Variants in SLMAP observed in about 807,000 individuals in gnomAD.
SLMAP encodes sarcolemmal membrane-associated protein.
Under a neutral mutation model 128.8 loss-of-function variants are expected in SLMAP, and 44 were observed. The observed-to-expected ratio is 0.34, with a 90% CI of 0.27 to 0.44. SLMAP has a LOEUF of 0.44. Among genes scored for constraint, SLMAP ranks in the 20% least tolerant of loss-of-function variants. SLMAP has a pLI of 1.00. For missense variants in SLMAP, 787 were observed against 985.3 expected, an observed-to-expected ratio of 0.80 and a Z score of 2.69; for synonymous variants, 327 against 348.8, an observed-to-expected ratio of 0.94 and a Z score of 0.70.
intron 6 of SLMAP, among the ~76,000 whole-genome samples, chr3:57,854,032 A>T (rs1460238698): frequency 1.8e-5 from 2 of 108,486 alleles, no homozygotes; most frequent in African/African-American, 7.0e-5. Context: ...TATAATATAT[A>T]ATGTGTATAT....
At chr3:57,906,836 C>T (rs577311542) in intron 17 of SLMAP, among the ~76,000 whole-genome samples, 12 of 151,436 alleles carry the variant, frequency 7.9e-5, no homozygotes, top group Admixed American at 7.9e-4. Flanking sequence ...TATGGCTTAC[C>T]TGATGATATA....
At chr3:57,761,805 T>C (rs1002305601) in intron 2 of SLMAP, among the ~76,000 whole-genome samples, 7 of 145,548 alleles carry the variant, frequency 4.8e-5, no homozygotes, top group Non-Finnish European at 1.1e-4. Context: ...CCCAGCACTT[T>C]GGGAGGCCGA....
At chr3:57,906,330 T>G (rs892825676) in intron 17 of SLMAP, among the ~76,000 whole-genome samples, 4 of 136,974 alleles carry the variant, frequency 2.9e-5, no homozygotes, top group African/African-American at 1.1e-4. Context: ...TTTTTTTTTT[T>G]TTAGAGACAC....
At chr3:57,877,084 G>A (rs1445387211) in intron 14 of SLMAP, among the ~76,000 whole-genome samples, 1 of 151,392 alleles carries the variant, frequency 6.6e-6, no homozygotes, top group African/African-American at 2.4e-5. Flanking sequence ...TTCTTAATCC[G>A]TGTTTGTTAT....
intron 15 of SLMAP, 28 bp from the exon 16 acceptor site, chr3:57,896,483 G>T (rs1423212913): frequency 6.4e-7 from 1 of 1,568,886 alleles, no homozygotes; most frequent in Admixed American, 1.9e-5. Context: ...ACTGTAATAA[G>T]ATTTTACTTT....
chr3:57,894,924 T>G (rs2153657180), intron 15 of SLMAP, among the ~76,000 whole-genome samples: 1 of 152,278 alleles, frequency 6.6e-6, no homozygotes, highest in Non-Finnish European at 1.5e-5. Flanking sequence ...TGAGGCCTTG[T>G]GGAGAATGGG....
At chr3:57,827,801 A>T (rs1322578423) in intron 2 of SLMAP, among the ~76,000 whole-genome samples, 1 of 152,188 alleles carries the variant, frequency 6.6e-6, no homozygotes, top group Non-Finnish European at 1.5e-5. Context: ...GGAGGGAATA[A>T]AAGCCTGATA....
chr3:57,835,994 A>G (rs2093622575), intron 3 of SLMAP, among the ~76,000 whole-genome samples: 1 of 152,174 alleles, frequency 6.6e-6, no homozygotes, highest in South Asian at 2.1e-4. Context: ...TCATACTAAA[A>G]ACAATGGAAG....
intron 3 of SLMAP, among the ~76,000 whole-genome samples, chr3:57,838,223 A>C (rs550921222): frequency 6.6e-6 from 1 of 152,200 alleles, no homozygotes; most frequent in African/African-American, 2.4e-5. Context: ...ATGTTGTATT[A>C]TGCTCCTGTA....
intron 8 of SLMAP, 82 bp from the exon 9 acceptor site, chr3:57,860,617 A>G (rs2095003969): frequency 3.7e-6 from 4 of 1,067,612 alleles, no homozygotes; most frequent in South Asian, 1.8e-5. Flanking sequence ...TTTAAAGTAT[A>G]TCATAATGTG....
intron 22 of SLMAP, 43 bp from the exon 23 acceptor site, chr3:57,922,846 A>G (rs927021074): frequency 3.1e-6 from 5 of 1,589,956 alleles, no homozygotes; most frequent in African/African-American, 1.3e-5. Flanking sequence ...CATCATACCC[A>G]TTTTAAGTTG....
chr3:57,807,718 C>T (rs1311047553), intron 2 of SLMAP, among the ~76,000 whole-genome samples: 2 of 151,604 alleles, frequency 1.3e-5, no homozygotes, highest in African/African-American at 2.4e-5. Flanking sequence ...GTTTTCGCAT[C>T]GATGGCCTGA....
At chr3:57,896,133 G>A in intron 15 of SLMAP, 1 of 579,324 alleles carries the variant, frequency 1.7e-6, no homozygotes, top group Non-Finnish European at 2.2e-6. Flanking sequence ...TTATGTAACA[G>A]AGCCTTCTCC....
chr3:57,847,310 A>G (rs1045877613), intron 5 of SLMAP, 77 bp downstream of exon 5: 9 of 1,005,964 alleles, frequency 8.9e-6, no homozygotes, highest in East Asian at 2.4e-5. Context: ...AATATGCTTT[A>G]CCTAGAAATT....
At chr3:57,811,749 T>C (rs1452736659) in intron 2 of SLMAP, among the ~76,000 whole-genome samples, 1 of 152,210 alleles carries the variant, frequency 6.6e-6, no homozygotes, top group Non-Finnish European at 1.5e-5. Context: ...CCAACACTTA[T>C]TTTCTACTTT....
intron 6 of SLMAP, among the ~76,000 whole-genome samples, chr3:57,850,752 G>C (rs111382871): frequency 0.16 from 24,046 of 152,150 alleles, 2,453 homozygotes; most frequent in East Asian, 0.43. Flanking sequence ...TCCTGCCTCA[G>C]CCTCCTGAGT....
chr3:57,924,638 A>ATT (rs2096970803), intron 23 of SLMAP, among the ~76,000 whole-genome samples: 1 of 152,124 alleles, frequency 6.6e-6, no homozygotes, highest in Non-Finnish European at 1.5e-5. Flanking sequence ...AAGTGCTGGG[A>ATT]TTACAGGTGT....
At chr3:57,832,880 A>G (rs1993724) in intron 3 of SLMAP, among the ~76,000 whole-genome samples, 7 of 152,206 alleles carry the variant, frequency 4.6e-5, no homozygotes, top group Non-Finnish European at 8.8e-5. Flanking sequence ...AAAGGTTTGT[A>G]TTTTGGTAAA....
intron 2 of SLMAP, among the ~76,000 whole-genome samples, chr3:57,759,611 A>G (rs989584802): frequency 2.0e-5 from 3 of 152,056 alleles, no homozygotes; most frequent in Non-Finnish European, 4.4e-5. Context: ...CATAGAACTC[A>G]TTTTTCCAGC....
Sources: allele counts gnomAD v4.1 joint callset (sites outside exome capture counted in the v4.1 genomes callset), GRCh38; gene constraint gnomAD v4.1.1; transcripts MANE v1.5; gene names NCBI Gene and HGNC (gene_info 2026-07-23, HGNC 2026-07-21).